Variants in PRR12 observed in about 807,000 individuals in gnomAD.
The protein encoded by PRR12 is proline-rich protein 12.
Under a neutral mutation model 138.0 loss-of-function variants are expected in PRR12, and 12 were observed. The ratio of observed to expected loss-of-function variants is 0.09; its 90% CI spans 0.06 to 0.14. PRR12 has a LOEUF of 0.14. Ranked by LOEUF, PRR12 falls within the 10% of genes least tolerant of loss-of-function variation. The pLI is 1.00. For missense variants in PRR12, 2,692 were observed against 2,861.3 expected, an observed-to-expected ratio of 0.94 and a Z score of 1.35; for synonymous variants, 1,567 against 1,291.7, an observed-to-expected ratio of 1.21 and a Z score of -4.57.
In PRR12 at chr19:49,596,977, A is replaced by G. The variant is rs2080775652; in HGVS notation, c.2642A>G (p.Gln881Arg). The G allele has an allele frequency of 6.4e-7, 1 of 1,557,130 alleles. No homozygotes were observed. Among genetic ancestry groups the G allele is most frequent in the Non-Finnish European group, 8.7e-7 (1 of 1,155,060 alleles). The change falls in exon 4 of 14, where the codon CAG becomes CGG. Residue 881 changes from glutamine to arginine, a missense_variant. Transcript: ENST00000418929. This position sits in a 1 kb window ranked among gnomAD's most constrained non-coding sequence, Gnocchi z 5.6. ...EESLDPPGAMQELLGALEPLP... is the reference protein window; with the variant it reads ...EESLDPPGAMRELLGALEPLP... The stretch of plus-strand genomic sequence containing the variant: ...AGCCTGGATCCGCCAGGCGCCATGC[A>G]GGAATTGCTCGGGGCTCTGGAGCCG...
chr19:49,596,944 C>G lies in PRR12; in HGVS notation c.2609C>G (p.Pro870Arg), dbSNP rs1180370303. 6.5e-7 allele frequency: 1 copy of G among 1,550,250 alleles called. No individual in the cohort carries two copies. ...EPAAPSPRLR[P>R]EESLDPPGAM... ...GCGGCCCCCAGCCCCCGCCTGCGAC[C>G]CGAGGAGAGCCTGGATCCGCCAGGC... Residue 870 changes from proline (P) to arginine (R), a missense_variant, in exon 4 of 14, where the codon CCC (proline) becomes CGC (arginine). Physicochemically the swap from Pro to Arg is moderately radical, Grantham distance 103. Around this residue, in one of 11 missense-constraint regions of PRR12, gnomAD observed 840 missense variants for 689.8 expected, o/e 1.22. Transcript: ENST00000418929. This position sits in a 1 kb window ranked among gnomAD's most constrained non-coding sequence, Gnocchi z 5.6.
chr19:49,624,705 C>A, intron 11 of PRR12, 139 bp from the exon 12 acceptor site: 1 of 1,307,124 alleles, frequency 7.7e-7, no homozygotes, highest in Non-Finnish European at 1.0e-6. Flanking sequence ...CCAGCCTCCT[C>A]TGTCCTTTGA....
At chr19:49,622,006 C>A (rs867909018) in intron 11 of PRR12, among the ~76,000 whole-genome samples, 1 of 152,160 alleles carries the variant, frequency 6.6e-6, no homozygotes, top group African/African-American at 2.4e-5. Flanking sequence ...GTATGATTTC[C>A]CTTCTGGGAT....
At chr19:49,607,662 C>G (rs567884849) in intron 6 of PRR12, among the ~76,000 whole-genome samples, 2 of 142,546 alleles carry the variant, frequency 1.4e-5, no homozygotes, top group Admixed American at 7.0e-5. Flanking sequence ...GAGCCGAGAT[C>G]GTAGCACTGC....
rs1209657665 is a variant in PRR12, at chr19:49,594,265, C to T, written c.200-189C>T. Among the ~76,000 whole-genome samples the T allele has an allele frequency of 6.6e-6, 1 of 152,000 alleles. No homozygotes were observed. The highest frequency in any genetic ancestry group is 1.5e-5 in the Non-Finnish European group (1 of 67,994). The stretch of plus-strand genomic sequence containing the variant: ...CCCTTGTCTTGCTTTACTGTCTCAC[C>T]TTTCCCCCTTCCCTCCCCTCATTCA... On this transcript the variant is annotated intron_variant, in intron 2 of 13. Transcript: ENST00000418929. This position sits in a 1 kb window ranked among gnomAD's most constrained non-coding sequence, Gnocchi z 5.6.
Position 49,607,238 on chromosome 19 carries a change from C to G in PRR12, c.4773+5320C>G, listed in dbSNP as rs923977210. 2.6e-5 allele frequency among the ~76,000 whole-genome samples: 4 copies of G among 152,062 alleles called. No homozygotes were observed. In the South Asian group the frequency reaches 8.3e-4, roughly 32 times the overall value. ...ATGCGGTGGCTCACACCTGTAATCC[C>G]AGCAGTTTGGGATGTTGAGGTGGGA... On this transcript the variant is annotated intron_variant, in intron 6 of 13. Coordinates refer to ENST00000418929, the MANE Select transcript of PRR12 (RefSeq NM_020719.3).
rs750744398 is a variant in PRR12, at chr19:49,595,569, A to T, written c.1234A>T (p.Thr412Ser). ...GATRPPPPRS[T>S]ATPKCQSLGG... ...CACCAGGCCCCCCCCACCCCGTTCG[A>T]CCGCCACCCCCAAATGTCAGAGCCT... Residue 412 changes from threonine to serine, a missense_variant, in exon 4 of 14, where the codon ACC becomes TCC. Physicochemically the swap from Thr to Ser is moderately conservative, Grantham distance 58 (BLOSUM62 1). Around this residue, in one of 11 missense-constraint regions of PRR12, gnomAD observed 523 missense variants for 496.4 expected, o/e 1.05. Coordinates refer to ENST00000418929, the MANE Select transcript of PRR12 (RefSeq NM_020719.3). 6.3e-7 allele frequency: 1 copy of T among 1,596,486 alleles called. No homozygotes were observed. Among genetic ancestry groups the T allele is most frequent in the African/African-American group, 1.3e-5 (1 of 74,402 alleles).
chr19:49,615,710 G>C lies in PRR12; in HGVS notation c.5025-37G>C, dbSNP rs1039994314. On this transcript the variant is annotated intron_variant, in intron 8 of 13. Transcript: ENST00000418929. ...CCTGAGGAGAATTTGGATTATTGGG[G>C]GCTGCTGACTACAGTCCCTTCTCTG... 2.2e-5 allele frequency: 34 copies of C among 1,563,448 alleles called. No homozygotes were observed. In the African/African-American group the frequency reaches 4.3e-4, roughly 20 times the overall value.
At chr19:49,613,014 A>G (rs1294749234) in intron 6 of PRR12, among the ~76,000 whole-genome samples, 1 of 151,910 alleles carries the variant, frequency 6.6e-6, no homozygotes, top group Non-Finnish European at 1.5e-5. Context: ...GGCATCCGTC[A>G]CCTATTCCAG....
chr19:49,615,803 C>G lies in PRR12; in HGVS notation c.5081C>G (p.Pro1694Arg), dbSNP rs573544939. 1.1e-5 allele frequency: 17 copies of G among 1,613,018 alleles called. No homozygotes were observed. In the East Asian group the frequency reaches 2.2e-4, roughly 21 times the overall value. Residue 1694 changes from proline (P) to arginine (R), a missense_variant, in exon 9 of 14, where the codon CCT (proline) becomes CGT (arginine). This residue lies in a region of PRR12 where 259 missense variants were observed against 265.1 expected (regional missense o/e 0.98). Coordinates refer to ENST00000418929, the MANE Select transcript of PRR12 (RefSeq NM_020719.3). ...GCTGGGGGTAGCTCTGCACCTCCCC[C>G]TAAGGCCCCAGCACCACCTCCCAAG... Reference protein sequence around the residue: ...VSAGGSSAPPPKAPAPPPKPE... With the variant: ...VSAGGSSAPPRKAPAPPPKPE...
chr19:49,622,907 ACATATATATAT>A (rs1347242057), intron 11 of PRR12, among the ~76,000 whole-genome samples: 3 of 79,288 alleles, frequency 3.8e-5, no homozygotes, highest in African/African-American at 2.4e-4. Flanking sequence ...AAAAACAAAA[ACATATATATAT>A]ATATATATAT....
intron 6 of PRR12, among the ~76,000 whole-genome samples, chr19:49,610,992 AC>A (rs1246038310): frequency 6.6e-6 from 1 of 150,380 alleles, no homozygotes; most frequent in Non-Finnish European, 1.5e-5. Flanking sequence ...ACAGGCATGC[AC>A]CATCATGCCC....
chr19:49,599,463 G>A lies in PRR12; in HGVS notation c.3870G>A (p.Lys1290=), dbSNP rs1007097095. ...TGGCCTCCTTCTTGGACTTCCTCAA[G>A]TCAGGCAAGCGCCACCCACCACTCT... The part of the protein sequence containing the change: ...GFMASFLDFL[K]SGKRHPPLYQ... The change falls in exon 5 of 14, where the codon AAG becomes AAA. Residue 1290 remains lysine, a synonymous_variant. Coordinates refer to ENST00000418929, the MANE Select transcript of PRR12 (RefSeq NM_020719.3). This position sits in a 1 kb window ranked among gnomAD's most constrained non-coding sequence, Gnocchi z 5.0. The A allele has an allele frequency of 1.2e-6, 2 of 1,603,120 alleles. No individual in the cohort carries two copies. The highest frequency in any genetic ancestry group is 1.7e-6 in the Non-Finnish European group (2 of 1,175,582).
chr19:49,609,355 CT>C (rs2080853947), intron 6 of PRR12, among the ~76,000 whole-genome samples: 1 of 152,018 alleles, frequency 6.6e-6, no homozygotes, highest in Admixed American at 6.6e-5. Flanking sequence ...AATCCCAGCA[CT>C]TTCGGAGGTC....
Position 49,616,325 on chromosome 19 carries a change from G to C in PRR12, c.5497+106G>C. ...AGCCTTGGCAGGACAGTAAGAACCA[G>C]TATGTTACAGATAATGGCAGTAGCT... is the stretch of plus-strand genomic sequence containing the variant. On this transcript the variant is annotated intron_variant, in intron 9 of 13. Transcript: ENST00000418929. The surrounding 1 kb of genome is among the most constrained non-coding windows in gnomAD (Gnocchi z 4.2). 1 of 1,020,442 alleles carries C rather than the reference G, an allele frequency of 9.8e-7. No homozygotes were observed. The highest frequency in any genetic ancestry group is 1.4e-6 in the Non-Finnish European group (1 of 721,328). 63.2% of individuals were successfully genotyped at this position (1,020,442 alleles called of 1,614,324 possible). A position where few individuals can be genotyped will look rare whatever the true frequency, so the allele number is the denominator to read the frequency against.
In PRR12 at chr19:49,597,269, T is replaced by C; in HGVS notation, c.2934T>C (p.Ala978=). ...PEDEGDPKAG[A]GPPPGPPAYD... Reference sequence around the variant, plus strand: ...ACGAGGGGGACCCCAAGGCTGGCGCTGGGCCACCCCCCGGCCCCCCTGCTT... The same window carrying C: ...ACGAGGGGGACCCCAAGGCTGGCGCCGGGCCACCCCCCGGCCCCCCTGCTT... The change falls in exon 4 of 14, where the codon GCT becomes GCC. Residue 978 remains alanine (A), a synonymous_variant. Coordinates refer to ENST00000418929, the MANE Select transcript of PRR12 (RefSeq NM_020719.3). The surrounding 1 kb of genome is among the most constrained non-coding windows in gnomAD (Gnocchi z 6.3). 1 of 1,570,398 alleles carries C rather than the reference T, an allele frequency of 6.4e-7. No individual in the cohort carries two copies. The highest frequency in any genetic ancestry group is 8.6e-7 in the Non-Finnish European group (1 of 1,159,136).
chr19:49,605,778 C>T (rs991861646), intron 6 of PRR12, among the ~76,000 whole-genome samples: 7 of 152,238 alleles, frequency 4.6e-5, no homozygotes, highest in Non-Finnish European at 7.3e-5. Flanking sequence ...ACACCACCTC[C>T]CAGCTGGCAC....
intron 6 of PRR12, among the ~76,000 whole-genome samples, chr19:49,608,867 C>T (rs759405241): frequency 1.5e-4 from 23 of 151,878 alleles, no homozygotes; most frequent in Non-Finnish European, 1.0e-4. Flanking sequence ...AAAAACAAAT[C>T]AATCTCAAAA....
intron 6 of PRR12, among the ~76,000 whole-genome samples, chr19:49,607,968 G>A (rs889162201): frequency 3.9e-5 from 6 of 152,078 alleles, no homozygotes; most frequent in Admixed American, 6.6e-5. Flanking sequence ...GCAGTGAGCC[G>A]AAATGACGCC....
Sources: allele counts gnomAD v4.1 joint callset (sites outside exome capture counted in the v4.1 genomes callset), GRCh38; gene constraint gnomAD v4.1.1; regional missense constraint gnomAD v4.1.1; non-coding constraint Gnocchi (gnomAD v3.1); transcripts MANE v1.5; gene names NCBI Gene and HGNC (gene_info 2026-07-23, HGNC 2026-07-21).